Variants in POFUT3 observed in about 807,000 individuals in gnomAD.
The protein encoded by POFUT3 is GDP-fucose protein O-fucosyltransferase 3.
At chr8:33,395,538 G>A in the POFUT3 span, among the ~76,000 whole-genome samples, 2 of 151,904 alleles carry the variant, frequency 1.3e-5, no homozygotes, top group African/African-American at 2.4e-5. Context: ...CCATCCCACT[G>A]AGAGCCACTT....
At chr8:33,311,037 T>G in the POFUT3 span, among the ~76,000 whole-genome samples, 6 of 152,226 alleles carry the variant, frequency 3.9e-5, no homozygotes, top group African/African-American at 1.4e-4. Flanking sequence ...GTACCCTCCT[T>G]GTCAGAGGCT....
chr8:33,394,084 C>G, the POFUT3 span: 1 of 155,698 alleles, frequency 6.4e-6, no homozygotes, highest in Non-Finnish European at 1.4e-5. Flanking sequence ...ATTCAGGAGG[C>G]TGAGGTAGGA....
At chr8:33,463,581 G>A in the POFUT3 span, among the ~76,000 whole-genome samples, 2 of 151,770 alleles carry the variant, frequency 1.3e-5, no homozygotes, top group African/African-American at 4.8e-5. Flanking sequence ...GTCTTCCTCT[G>A]TCACCCAGGC....
At chr8:33,439,079 C>T in the POFUT3 span, among the ~76,000 whole-genome samples, 1 of 152,198 alleles carries the variant, frequency 6.6e-6, no homozygotes, top group African/African-American at 2.4e-5. Flanking sequence ...CAACCTAATC[C>T]AGGACACCAT....
chr8:33,382,791 G>C, the POFUT3 span, among the ~76,000 whole-genome samples: 2 of 152,136 alleles, frequency 1.3e-5, no homozygotes, highest in African/African-American at 4.8e-5. Context: ...AGGCATGAAC[G>C]AGGGTAAGAG....
the POFUT3 span, chr8:33,371,243 C>G: frequency 2.0e-5 from 3 of 152,200 alleles, no homozygotes; most frequent in Admixed American, 6.5e-5. Flanking sequence ...GACACCTTCT[C>G]TCATCCAATG....
the POFUT3 span, among the ~76,000 whole-genome samples, chr8:33,394,700 A>G: frequency 6.6e-6 from 1 of 152,152 alleles, no homozygotes; most frequent in Non-Finnish European, 1.5e-5. Context: ...CTCCACCTTA[A>G]TGGGTCAATG....
chr8:33,380,089 A>C, the POFUT3 span, among the ~76,000 whole-genome samples: 1 of 57,154 alleles, frequency 1.7e-5, no homozygotes, highest in Non-Finnish European at 2.8e-5. Flanking sequence ...TATATATACT[A>C]TATATATACA....
At chr8:33,391,893 G>A in the POFUT3 span, among the ~76,000 whole-genome samples, 232 of 152,292 alleles carry the variant, frequency 1.5e-3, no homozygotes, top group African/African-American at 5.3e-3. Flanking sequence ...GTGGCACATG[G>A]AAGATTCTTA....
chr8:33,319,110 TAATATATAAATATATTTTACATATA>T, the POFUT3 span, among the ~76,000 whole-genome samples: 1 of 48,092 alleles, frequency 2.1e-5, no homozygotes, highest in African/African-American at 7.1e-5. Context: ...TATATTTATA[TAATATATAAATATATTTTACATATA>T]TTTATATAAT....
At chr8:33,335,941 G>C in the POFUT3 span, among the ~76,000 whole-genome samples, 1 of 152,084 alleles carries the variant, frequency 6.6e-6, no homozygotes, top group Non-Finnish European at 1.5e-5. Context: ...AGAAGAGATG[G>C]AGGAGGAGGC....
At chr8:33,411,461 C>T in the POFUT3 span, among the ~76,000 whole-genome samples, 4 of 152,194 alleles carry the variant, frequency 2.6e-5, no homozygotes, top group African/African-American at 9.6e-5. Context: ...AAAATAGATT[C>T]TGAATTTTTT....
chr8:33,412,079 G>A, the POFUT3 span, among the ~76,000 whole-genome samples: 8 of 152,222 alleles, frequency 5.3e-5, no homozygotes, highest in East Asian at 1.9e-4. Context: ...ATTAACATAC[G>A]AACACTGATT....
the POFUT3 span, chr8:33,455,687 G>A: frequency 4.5e-5 from 18 of 396,176 alleles, no homozygotes; most frequent in Non-Finnish European, 8.0e-5. Context: ...ACATTTCTAT[G>A]TGTTAACTGC....
At chr8:33,339,368 T>C in the POFUT3 span, among the ~76,000 whole-genome samples, 1 of 152,086 alleles carries the variant, frequency 6.6e-6, no homozygotes. Context: ...GGTAAAACAT[T>C]AGACATTGCC....
the POFUT3 span, among the ~76,000 whole-genome samples, chr8:33,309,550 G>A: frequency 1.3e-5 from 2 of 152,072 alleles, no homozygotes; most frequent in East Asian, 1.9e-4. Context: ...TCTGCTGACC[G>A]GCCCAGTGAC....
chr8:33,468,763 G>A, the POFUT3 span, among the ~76,000 whole-genome samples: 1 of 152,178 alleles, frequency 6.6e-6, no homozygotes, highest in Non-Finnish European at 1.5e-5. Flanking sequence ...CAGCCATAAA[G>A]AGATGTCCCT....
chr8:33,348,208 C>T, the POFUT3 span, among the ~76,000 whole-genome samples: 5 of 151,246 alleles, frequency 3.3e-5, no homozygotes, highest in Non-Finnish European at 7.4e-5. Flanking sequence ...CAGAAAATGC[C>T]TCTGTTATTG....
At chr8:33,385,784 T>G in the POFUT3 span, among the ~76,000 whole-genome samples, 1 of 152,158 alleles carries the variant, frequency 6.6e-6, no homozygotes, top group East Asian at 1.9e-4. Context: ...CTTAGGAGGC[T>G]GAGGCAGGAG....
Sources: gnomAD v4.1 joint callset for allele counts (sites outside exome capture counted in the v4.1 genomes callset) on GRCh38, gnomAD v4.1.1 for gene constraint, MANE v1.5 for transcripts, NCBI Gene and HGNC (gene_info 2026-07-23, HGNC 2026-07-21) for gene names.